Variants in HS6ST3 observed in about 807,000 individuals in gnomAD.
HS6ST3 encodes heparan sulfate 6-O-sulfotransferase 3, also known as heparan-sulfate 6-O-sulfotransferase 3.
Under a neutral mutation model 36.7 loss-of-function variants are expected in HS6ST3, and 12 were observed. The ratio of observed to expected loss-of-function variants is 0.33; its 90% CI spans 0.21 to 0.53. The LOEUF is 0.53. Among genes scored for constraint, HS6ST3 ranks in the 20% least tolerant of loss-of-function variants. The probability of loss-of-function intolerance (pLI) is 0.95; values close to 1 mark genes in which losing one functional copy is unlikely to be tolerated. For synonymous variants in HS6ST3, 240 were observed against 257.5 expected, an observed-to-expected ratio of 0.93 and a Z score of 0.65; for missense variants, 584 against 640.9, an observed-to-expected ratio of 0.91 and a Z score of 0.96.
intron 1 of HS6ST3, among the ~76,000 whole-genome samples, chr13:96,388,358 A>C (rs2055378794): frequency 6.6e-6 from 1 of 152,220 alleles, no homozygotes; most frequent in South Asian, 2.1e-4. Context: ...TTGTTATCAC[A>C]TTTATGCCTG....
At chr13:96,402,613 T>C (rs543576479) in intron 1 of HS6ST3, among the ~76,000 whole-genome samples, 1 of 152,234 alleles carries the variant, frequency 6.6e-6, no homozygotes, top group South Asian at 2.1e-4. Flanking sequence ...TTTTCTTATT[T>C]ATATCACCAA....
At chr13:96,679,868 G>T (rs1431821783) in intron 1 of HS6ST3, among the ~76,000 whole-genome samples, 1 of 152,184 alleles carries the variant, frequency 6.6e-6, no homozygotes, top group Non-Finnish European at 1.5e-5. Context: ...AGGTCCAAGA[G>T]ACTTGGCCCC....
At chr13:96,774,858 G>A (rs973607015) in intron 1 of HS6ST3, among the ~76,000 whole-genome samples, 4 of 152,078 alleles carry the variant, frequency 2.6e-5, no homozygotes, top group African/African-American at 9.7e-5. Flanking sequence ...CTCAAGAAGA[G>A]CAACCCCAAG....
At chr13:96,423,883 C>T (rs117344239) in intron 1 of HS6ST3, among the ~76,000 whole-genome samples, 160 of 152,280 alleles carry the variant, frequency 1.1e-3, no homozygotes, top group Admixed American at 2.0e-3. Context: ...CTGCATAGCA[C>T]GACCTGTGGG....
intron 1 of HS6ST3, among the ~76,000 whole-genome samples, chr13:96,592,790 A>T (rs958832028): frequency 1.3e-5 from 2 of 152,124 alleles, no homozygotes; most frequent in Non-Finnish European, 1.5e-5. Context: ...TGCACTAAAA[A>T]GTCTGCTTCT....
At chr13:96,360,513 C>T (rs1321068277) in intron 1 of HS6ST3, among the ~76,000 whole-genome samples, 17 of 151,978 alleles carry the variant, frequency 1.1e-4, no homozygotes. Flanking sequence ...AAATTTCAAT[C>T]ACCCACTGTC....
chr13:96,817,317 T>G (rs1191011091), intron 1 of HS6ST3, among the ~76,000 whole-genome samples: 2 of 152,092 alleles, frequency 1.3e-5, no homozygotes, highest in Non-Finnish European at 2.9e-5. Flanking sequence ...TATGCTAGAG[T>G]GGACGCAGGA....
chr13:96,635,119 T>G (rs2056544768), intron 1 of HS6ST3, among the ~76,000 whole-genome samples: 1 of 152,206 alleles, frequency 6.6e-6, no homozygotes, highest in Admixed American at 6.5e-5. Flanking sequence ...AAATTGCTTC[T>G]CAGTTGGGTT....
chr13:96,211,998 A>T (rs532399995), intron 1 of HS6ST3, among the ~76,000 whole-genome samples: 1 of 152,352 alleles, frequency 6.6e-6, no homozygotes, highest in South Asian at 2.1e-4. Flanking sequence ...TGTTAATTTC[A>T]CAATTTCTCT....
intron 1 of HS6ST3, among the ~76,000 whole-genome samples, chr13:96,290,067 G>GC (rs2054822193): frequency 6.6e-6 from 1 of 152,098 alleles, no homozygotes; most frequent in Admixed American, 6.6e-5. Flanking sequence ...TGCCTAGCTA[G>GC]CCCCCCTCTG....
chr13:96,765,588 T>TTCTCTCTCTCTCTCTTTC (rs1877089701), intron 1 of HS6ST3, among the ~76,000 whole-genome samples: 1 of 142,596 alleles, frequency 7.0e-6, no homozygotes, highest in African/African-American at 2.6e-5. Context: ...CTCTCTCTCT[T>TTCTCTCTCTCTCTCTTTC]TCTCTCTCTC....
At chr13:96,574,700 C>G (rs571101798) in intron 1 of HS6ST3, among the ~76,000 whole-genome samples, 4 of 152,304 alleles carry the variant, frequency 2.6e-5, no homozygotes, top group Admixed American at 6.5e-5. Context: ...GGGGCCCAAG[C>G]CTTATCTCAG....
At chr13:96,699,949 A>C (rs1288841852) in intron 1 of HS6ST3, among the ~76,000 whole-genome samples, 1 of 152,240 alleles carries the variant, frequency 6.6e-6, no homozygotes, top group Non-Finnish European at 1.5e-5. Context: ...TTATTACACA[A>C]CACCTTTAAA....
chr13:96,579,849 G>T (rs943688337), intron 1 of HS6ST3, among the ~76,000 whole-genome samples: 1 of 152,120 alleles, frequency 6.6e-6, no homozygotes, highest in Non-Finnish European at 1.5e-5. Flanking sequence ...GATCCCCTGT[G>T]AGTGCTACTG....
intron 1 of HS6ST3, among the ~76,000 whole-genome samples, chr13:96,162,596 G>A (rs2054141097): frequency 6.6e-6 from 1 of 152,200 alleles, no homozygotes; most frequent in Admixed American, 6.5e-5. Context: ...AGGATTTCAA[G>A]TGTATGATAG....
intron 1 of HS6ST3, among the ~76,000 whole-genome samples, chr13:96,607,963 G>A (rs752954394): frequency 1.3e-5 from 2 of 152,146 alleles, no homozygotes; most frequent in East Asian, 1.9e-4. Flanking sequence ...AAGTGGGCTC[G>A]GAAAATCTTG....
At chr13:96,691,861 A>G (rs921379041) in intron 1 of HS6ST3, among the ~76,000 whole-genome samples, 5 of 152,166 alleles carry the variant, frequency 3.3e-5, no homozygotes, top group Non-Finnish European at 7.4e-5. Flanking sequence ...ACCATCAGGT[A>G]GGTGTTAATA....
At chr13:96,163,602 A>G (rs1031474691) in intron 1 of HS6ST3, among the ~76,000 whole-genome samples, 1 of 152,126 alleles carries the variant, frequency 6.6e-6, no homozygotes, top group African/African-American at 2.4e-5. Flanking sequence ...GGTATGTTGA[A>G]CTATAGTGCT....
chr13:96,365,136 G>A (rs542394623), intron 1 of HS6ST3, among the ~76,000 whole-genome samples: 9 of 152,292 alleles, frequency 5.9e-5, no homozygotes, highest in African/African-American at 2.2e-4. Context: ...GTTTAGTCCA[G>A]GTTTTAAGTC....
Sources: gnomAD v4.1 joint callset for allele counts (sites outside exome capture counted in the v4.1 genomes callset) on GRCh38, gnomAD v4.1.1 for gene constraint, MANE v1.5 for transcripts, NCBI Gene and HGNC (gene_info 2026-07-23, HGNC 2026-07-21) for gene names.